Variants in POFUT1 observed in about 807,000 individuals in gnomAD.
POFUT1 encodes GDP-fucose protein O-fucosyltransferase 1.
A neutral mutation model predicts 42.4 loss-of-function variants in POFUT1; 16 were observed. The ratio of observed to expected loss-of-function variants is 0.38; its 90% CI spans 0.26 to 0.57. The LOEUF (loss-of-function observed/expected upper bound fraction) is 0.57, where lower values mean the gene tolerates loss of function less well. POFUT1 is among the 20% of genes least tolerant of loss of function. The pLI, the probability that POFUT1 is intolerant of heterozygous loss-of-function variation, is 0.71. For missense variants in POFUT1, 470 were observed against 504.6 expected (o/e 0.93, Z 0.66); for synonymous variants, 206 against 205.4 (o/e 1.00, Z -0.03).
At position 32,238,630 on chromosome 20, in the gene POFUT1, A is replaced by G. The variant is rs994698117; in HGVS notation, c.*3969A>G. The G allele has an allele frequency of 6.6e-6, 1 of 152,218 alleles. No homozygotes were observed. Among genetic ancestry groups the G allele is most frequent in the Non-Finnish European group, 1.5e-5 (1 of 68,042 alleles). 9.4% of individuals were successfully genotyped at this position (152,218 alleles called of 1,614,324 possible). ...AAATATAAATAAAAAATTGTGAGTA[A>G]TAAAATGAACTCACAGTTTCAACAA... is the stretch of plus-strand genomic sequence containing the variant. On this transcript the variant is annotated 3_prime_UTR_variant, in exon 7 of 7. Coordinates refer to ENST00000375749, the MANE Select transcript of POFUT1 (RefSeq NM_015352.2).
At chr20:32,229,089 C>G (rs2122597775) in intron 5 of POFUT1, among the ~76,000 whole-genome samples, 1 of 152,326 alleles carries the variant, frequency 6.6e-6, no homozygotes, top group East Asian at 1.9e-4. Flanking sequence ...CTCTTTCCCC[C>G]AGCCCCCACA....
intron 4 of POFUT1, among the ~76,000 whole-genome samples, chr20:32,220,185 T>A (rs2047384298): frequency 1.3e-5 from 2 of 152,262 alleles, no homozygotes; most frequent in Non-Finnish European, 2.9e-5. Context: ...ATCGTATGTA[T>A]ATACCACATT....
At chr20:32,228,081 G>C (rs113550930) in intron 4 of POFUT1, among the ~76,000 whole-genome samples, 182 bp from the exon 5 acceptor site, 3 of 152,138 alleles carry the variant, frequency 2.0e-5, no homozygotes, top group Non-Finnish European at 2.9e-5. Context: ...GCCTGTTGCC[G>C]CCGCCACCAA....
intron 4 of POFUT1, among the ~76,000 whole-genome samples, chr20:32,227,521 A>G (rs1569159681): frequency 6.6e-6 from 1 of 152,162 alleles, no homozygotes; most frequent in Non-Finnish European, 1.5e-5. Context: ...TGACAGCAAG[A>G]TCCTATCTCA....
chr20:32,227,479 G>A (rs1183568907), intron 4 of POFUT1, among the ~76,000 whole-genome samples: 1 of 152,244 alleles, frequency 6.6e-6, no homozygotes, highest in African/African-American at 2.4e-5. Context: ...CCGAGATCAC[G>A]CCACTGCCCT....
intron 4 of POFUT1, among the ~76,000 whole-genome samples, chr20:32,220,062 T>G (rs975246072): frequency 1.3e-5 from 2 of 152,242 alleles, no homozygotes; most frequent in Admixed American, 6.5e-5. Context: ...AATCATGCAA[T>G]ATTTATCTTT....
chr20:32,229,262 A>G (rs1357316574), intron 5 of POFUT1, among the ~76,000 whole-genome samples: 1 of 152,252 alleles, frequency 6.6e-6, no homozygotes, highest in East Asian at 1.9e-4. Context: ...AGGTCAGCTC[A>G]GAAAATTATA....
chr20:32,228,256 T>C lies in POFUT1; in HGVS notation c.543-7T>C, dbSNP rs772614861. ...CTCTGACTTCCCTCATTCCATCTCCTGTCTAGATTTTCTCCAAAGGAACAT... is the reference window on the plus strand; with the variant it reads ...CTCTGACTTCCCTCATTCCATCTCCCGTCTAGATTTTCTCCAAAGGAACAT... On this transcript the variant is annotated splice_polypyrimidine_tract_variant and splice_region_variant and intron_variant, in intron 4 of 6. Coordinates refer to ENST00000375749, the MANE Select transcript of POFUT1 (RefSeq NM_015352.2). The C allele has an allele frequency of 1.9e-6, 3 of 1,611,400 alleles. No homozygotes were observed. The South Asian group carries it at 3.3e-5, about 18-fold the overall frequency.
At chr20:32,216,790 C>A in intron 4 of POFUT1, 69 bp downstream of exon 4, 1 of 1,367,104 alleles carries the variant, frequency 7.3e-7, no homozygotes, top group Non-Finnish European at 1.0e-6. Flanking sequence ...TCAGCACCTT[C>A]TGGCACTCTC....
chr20:32,223,400 G>A (rs1346739152), intron 4 of POFUT1: 1 of 985,348 alleles, frequency 1.0e-6, no homozygotes, highest in Non-Finnish European at 1.2e-6. Flanking sequence ...TGTCCCACTG[G>A]GACAGCTCTT....
intron 4 of POFUT1, among the ~76,000 whole-genome samples, chr20:32,220,813 G>C (rs575228120): frequency 1.3e-4 from 20 of 152,046 alleles, no homozygotes; most frequent in African/African-American, 3.6e-4. Flanking sequence ...TGATGCTGCT[G>C]TCATCTGGGA....
In POFUT1 at chr20:32,222,095, C is replaced by G. The variant is rs536357712; in HGVS notation, c.542+5374C>G. Among the ~76,000 whole-genome samples the G allele has an allele frequency of 7.0e-4, 106 of 151,898 alleles. 2 individuals are homozygous for G. The highest frequency in any genetic ancestry group is 1.5e-4 in the Non-Finnish European group (10 of 67,990). On this transcript the variant is annotated intron_variant, in intron 4 of 6. Transcript: ENST00000375749. ...GGCGGATCACTTGAGGTCAGGAGTT[C>G]AAGACCAACCTGGCCAACATGGTGA...
chr20:32,233,010 G>A (rs1417384895), intron 6 of POFUT1, among the ~76,000 whole-genome samples: 1 of 152,222 alleles, frequency 6.6e-6, no homozygotes, highest in African/African-American at 2.4e-5. Context: ...TGGGCCACAA[G>A]GTGGATTCAG....
At chr20:32,230,263 TG>T (rs1276592579) in intron 5 of POFUT1, among the ~76,000 whole-genome samples, 1 of 151,862 alleles carries the variant, frequency 6.6e-6, no homozygotes, top group Admixed American at 6.6e-5. Context: ...GGTGGGCACC[TG>T]TAGTCCCAGC....
chr20:32,221,384 C>T (rs960349685), intron 4 of POFUT1, among the ~76,000 whole-genome samples: 8 of 151,992 alleles, frequency 5.3e-5, no homozygotes, highest in African/African-American at 1.9e-4. Flanking sequence ...GGGATGGGCA[C>T]GATGAGTGGT....
At chr20:32,230,409 G>A (rs917756668) in intron 5 of POFUT1, among the ~76,000 whole-genome samples, 7 of 141,792 alleles carry the variant, frequency 4.9e-5, no homozygotes, top group African/African-American at 1.9e-4. Flanking sequence ...AAAAAATGTA[G>A]TTAGGCCAGG....
In POFUT1 at chr20:32,216,611, A is replaced by G; in HGVS notation, c.432A>G (p.Glu144=). The G allele has an allele frequency of 1.2e-6, 2 of 1,605,358 alleles. No homozygotes were observed. The highest frequency in any genetic ancestry group is 1.7e-6 in the Non-Finnish European group (2 of 1,172,082). ...CTTCCACCACTCTCTTTCTGCAGGA[A>G]GGAAACCCCTTTGGCCCATTCTGGG... The part of the protein sequence containing the change: ...SPDKKTCPMK[E]GNPFGPFWDQ... The change falls in exon 4 of 7, where the codon GAA becomes GAG. Residue 144 remains glutamate, a splice_region_variant and synonymous_variant. Coordinates refer to ENST00000375749, the MANE Select transcript of POFUT1 (RefSeq NM_015352.2).
chr20:32,216,554 C>A, intron 3 of POFUT1, 55 bp from the exon 4 acceptor site: 1 of 1,097,058 alleles, frequency 9.1e-7, no homozygotes, highest in Non-Finnish European at 1.4e-6. Context: ...CTGGCCCCAT[C>A]CCCAAATGGC....
At chr20:32,218,555 G>A (rs544560080) in intron 4 of POFUT1, among the ~76,000 whole-genome samples, 1 of 152,278 alleles carries the variant, frequency 6.6e-6, no homozygotes, top group East Asian at 1.9e-4. Context: ...GTGCCACTGA[G>A]GATCCTCAGT....
Sources: gnomAD v4.1 joint callset for allele counts (sites outside exome capture counted in the v4.1 genomes callset) on GRCh38, gnomAD v4.1.1 for gene constraint, MANE v1.5 for transcripts, NCBI Gene and HGNC (gene_info 2026-07-23, HGNC 2026-07-21) for gene names.